Variants in SOX6 observed in about 807,000 individuals in gnomAD.
SOX6 encodes the protein transcription factor SOX-6.
SOX6 carries 11 observed loss-of-function variants against 97.8 expected under a neutral mutation model. That is an observed-to-expected ratio of 0.11 (90% CI 0.07 to 0.19). The LOEUF (loss-of-function observed/expected upper bound fraction) is 0.19, where lower values mean the gene tolerates loss of function less well. Among genes scored for constraint, SOX6 ranks in the 10% least tolerant of loss-of-function variants. SOX6 has a pLI of 1.00. For synonymous variants in SOX6, 360 were observed against 371.4 expected (o/e 0.97, Z 0.35); for missense variants, 810 against 1,039.5 (o/e 0.78, Z 3.04).
intron 1 of SOX6, among the ~76,000 whole-genome samples, chr11:16,420,001 GT>G (rs1317779713): frequency 2.0e-5 from 3 of 152,128 alleles, no homozygotes; most frequent in Non-Finnish European, 4.4e-5. Context: ...AAACTCAAAA[GT>G]AATTCTACAA....
At chr11:16,099,688 C>T (rs1023638972) in intron 7 of SOX6, among the ~76,000 whole-genome samples, 3 of 150,098 alleles carry the variant, frequency 2.0e-5, no homozygotes, top group Non-Finnish European at 3.0e-5. Context: ...AGCTGTCATG[C>T]TTCTGTGCTA....
intron 9 of SOX6, among the ~76,000 whole-genome samples, chr11:16,074,117 A>G (rs1265086101): frequency 6.6e-6 from 1 of 152,200 alleles, no homozygotes; most frequent in Non-Finnish European, 1.5e-5. Flanking sequence ...GAACTGAAGG[A>G]AACTGAGATG....
intron 4 of SOX6, among the ~76,000 whole-genome samples, chr11:16,501,760 A>G (rs183628384): frequency 6.6e-6 from 1 of 152,338 alleles, no homozygotes; most frequent in East Asian, 1.9e-4. Flanking sequence ...AACCACAATG[A>G]GATACCATCT....
chr11:15,982,438 A>G (rs1045731608), intron 15 of SOX6, among the ~76,000 whole-genome samples: 3 of 152,008 alleles, frequency 2.0e-5, no homozygotes, highest in African/African-American at 7.2e-5. Context: ...GTAGCCCCAA[A>G]TTTAATATTT....
chr11:16,305,999 T>C (rs977195242), intron 3 of SOX6, among the ~76,000 whole-genome samples: 3 of 152,140 alleles, frequency 2.0e-5, no homozygotes, highest in Non-Finnish European at 2.9e-5. Flanking sequence ...AAGGAATTCT[T>C]ATGATATCAA....
At chr11:16,046,851 G>T in intron 11 of SOX6, 150 bp from the exon 12 acceptor site, 1 of 841,034 alleles carries the variant, frequency 1.2e-6, no homozygotes, top group Non-Finnish European at 1.9e-6. Flanking sequence ...AATATACATA[G>T]AACACAGAGC....
intron 6 of SOX6, among the ~76,000 whole-genome samples, chr11:16,127,089 T>A (rs1385393052): frequency 3.3e-5 from 5 of 152,112 alleles, no homozygotes; most frequent in African/African-American, 9.6e-5. Flanking sequence ...GTTATTTGAT[T>A]TCTTTATTTC....
intron 3 of SOX6, among the ~76,000 whole-genome samples, chr11:16,288,124 A>G (rs1854805932): frequency 6.6e-6 from 1 of 152,098 alleles, no homozygotes; most frequent in South Asian, 2.1e-4. Flanking sequence ...GAGGGAGTAG[A>G]GAAAAGGCAG....
chr11:16,376,579 G>A (rs1286799103), intron 1 of SOX6, among the ~76,000 whole-genome samples: 1 of 152,070 alleles, frequency 6.6e-6, no homozygotes, highest in African/African-American at 2.4e-5. Flanking sequence ...CAGGAATACA[G>A]GAAGAGGAAG....
intron 3 of SOX6, among the ~76,000 whole-genome samples, chr11:16,645,061 C>T (rs376082450): frequency 1.1e-4 from 17 of 152,246 alleles, no homozygotes; most frequent in African/African-American, 3.9e-4. Context: ...CTTCATGTAT[C>T]GGGAATATTT....
chr11:16,105,512 G>T (rs563580360), intron 7 of SOX6, among the ~76,000 whole-genome samples: 2 of 152,124 alleles, frequency 1.3e-5, no homozygotes, highest in South Asian at 4.1e-4. Flanking sequence ...AGGCCACAGT[G>T]AACTATGATC....
intron 3 of SOX6, among the ~76,000 whole-genome samples, chr11:16,304,565 A>T (rs1029175748): frequency 1.3e-5 from 2 of 152,178 alleles, no homozygotes; most frequent in African/African-American, 4.8e-5. Context: ...AAAGCAATAA[A>T]TTTCTGTTAT....
In SOX6 at chr11:16,391,318, C is replaced by T. The variant is rs151269322; in HGVS notation, c.-4-50066G>A. 4.3e-3 allele frequency among the ~76,000 whole-genome samples: 652 copies of T among 152,104 alleles called. 1 individual carries two copies. Among genetic ancestry groups the T allele is most frequent in the African/African-American group, 0.015 (625 of 41,470 alleles). ...AAAACTGTACCTTTTGCACATGTAA[C>T]CCAGAACTTAAAGTATGTTAATAAA... On this transcript the variant is annotated intron_variant, in intron 1 of 15. Transcript: ENST00000396356.
At chr11:16,492,148 T>C (rs527908623) in intron 4 of SOX6, among the ~76,000 whole-genome samples, 62 of 152,288 alleles carry the variant, frequency 4.1e-4, no homozygotes, top group Admixed American at 1.4e-3. Flanking sequence ...TTTTATTTGA[T>C]TACATAAATA....
At chr11:16,566,983 T>G (rs1847879133) in intron 4 of SOX6, among the ~76,000 whole-genome samples, 1 of 152,206 alleles carries the variant, frequency 6.6e-6, no homozygotes, top group Non-Finnish European at 1.5e-5. Flanking sequence ...GGAATATTAT[T>G]CAGTAATAAA....
intron 1 of SOX6, among the ~76,000 whole-genome samples, chr11:16,425,199 CA>C (rs1469851282): frequency 6.6e-6 from 1 of 152,178 alleles, no homozygotes; most frequent in African/African-American, 2.4e-5. Context: ...GGCCCCTTAT[CA>C]AAGCATTTTC....
At chr11:16,363,968 C>T (rs1436474155) in intron 1 of SOX6, among the ~76,000 whole-genome samples, 1 of 152,124 alleles carries the variant, frequency 6.6e-6, no homozygotes, top group Non-Finnish European at 1.5e-5. Flanking sequence ...TGTTCTTTTC[C>T]ATCACCACAC....
At chr11:16,542,148 G>C (rs1861419143) in intron 4 of SOX6, among the ~76,000 whole-genome samples, 1 of 152,178 alleles carries the variant, frequency 6.6e-6, no homozygotes, top group Admixed American at 6.5e-5. Context: ...AAAATGATGA[G>C]TTCATGTCCT....
At chr11:16,319,514 A>G (rs533682161) in intron 2 of SOX6, among the ~76,000 whole-genome samples, 1 of 90,658 alleles carries the variant, frequency 1.1e-5, no homozygotes, top group African/African-American at 4.2e-5. Flanking sequence ...CCCTCCCCCC[A>G]CCCCACAACA....
Sources: allele counts gnomAD v4.1 joint callset (sites outside exome capture counted in the v4.1 genomes callset), GRCh38; gene constraint gnomAD v4.1.1; transcripts MANE v1.5; gene names NCBI Gene and HGNC (gene_info 2026-07-23, HGNC 2026-07-21).